The following REST variants were observed in gnomAD, a reference collection of about 807,000 sequenced individuals.
The protein encoded by REST is RE1-silencing transcription factor.
REST carries 1 observed loss-of-function variant against 30.4 expected under a neutral mutation model. That is an observed-to-expected ratio of 0.03 (90% CI 0.01 to 0.16). The LOEUF is 0.16. Ranked by LOEUF, REST falls within the 10% of genes least tolerant of loss-of-function variation. REST has a pLI of 1.00. For synonymous variants in REST, 504 were observed against 451.1 expected (o/e 1.12, Z -1.49); for missense variants, 1,259 against 1,329.5 (o/e 0.95, Z 0.82).
rs1721126653 is a variant in REST, at chr4:56,935,723, A to G, written c.*3571A>G. 1 of 152,186 alleles carries G rather than the reference A, an allele frequency of 6.6e-6. No individual in the cohort carries two copies. Among genetic ancestry groups the G allele is most frequent in the Non-Finnish European group, 1.5e-5 (1 of 68,022 alleles). The allele number at this position is 152,186 out of a possible 1,614,324, so 9.4% of individuals were successfully genotyped here. On this transcript the variant is annotated 3_prime_UTR_variant, in exon 4 of 4. Transcript: ENST00000309042. Reference sequence around the variant, plus strand: ...TGCAAATCCTTTTTTAAAATCCTAAACCATGTACCAAGTTTTTGGTCCAAA... The same window carrying G: ...TGCAAATCCTTTTTTAAAATCCTAAGCCATGTACCAAGTTTTTGGTCCAAA...
At position 56,930,384 on chromosome 4, in the gene REST, A is replaced by G. The variant is rs201819290; in HGVS notation, c.1526A>G (p.Asn509Ser). The change falls in exon 4 of 4, where the codon AAT (asparagine) becomes AGT (serine). Residue 509 changes from asparagine to serine, a missense_variant. This residue lies in a region of REST where 856 missense variants were observed against 772.8 expected (regional missense o/e 1.11). Coordinates refer to ENST00000309042, the MANE Select transcript of REST (RefSeq NM_005612.5). Reference sequence around the variant, plus strand: ...GAGATGGATGTGCATACAGGAAGCAATTCAGAAAAATTCAGTAAAACTAAG... The same window carrying G: ...GAGATGGATGTGCATACAGGAAGCAGTTCAGAAAAATTCAGTAAAACTAAG... ...VKEMDVHTGS[N>S]SEKFSKTKKS... The G allele has an allele frequency of 3.1e-6, 5 of 1,613,790 alleles. No homozygotes were observed. The East Asian group carries it at 8.9e-5, about 29-fold the overall frequency.
chr4:56,933,866 ATCTGATGATC>A lies in REST; in HGVS notation c.*1718_*1727del, dbSNP rs1721057124. 6.6e-6 allele frequency: 1 copy of A among 152,204 alleles called. No homozygotes were observed. Among genetic ancestry groups the A allele is most frequent in the Non-Finnish European group, 1.5e-5 (1 of 68,030 alleles). The allele number at this position is 152,204 out of a possible 1,614,324, so 9.4% of individuals were successfully genotyped here. On this transcript the variant is annotated 3_prime_UTR_variant, in exon 4 of 4. Coordinates refer to ENST00000309042, the MANE Select transcript of REST (RefSeq NM_005612.5). ...CCACTTTATATTTCATTTTTTAAAA[ATCTGATGATC>A]TCTTTGAGGCAGGTTTCAGATTTGG...
rs1721054202 is a variant in REST at position 56,933,768 on chromosome 4, A to C, written c.*1616A>C. On this transcript the variant is annotated 3_prime_UTR_variant, in exon 4 of 4. Transcript: ENST00000309042. ...TTTTTCTTACTGATAGCAGTCATTC[A>C]TTGCAGTAAAATAAAATATGATCCC... The C allele has an allele frequency of 6.6e-6, 1 of 152,222 alleles. No homozygotes were observed. The highest frequency in any genetic ancestry group is 2.4e-5 in the African/African-American group (1 of 41,468). 9.4% of individuals were successfully genotyped at this position (152,222 alleles called of 1,614,324 possible).
At chr4:56,913,948 T>G (rs1372681074) in intron 2 of REST, among the ~76,000 whole-genome samples, 1 of 149,432 alleles carries the variant, frequency 6.7e-6, no homozygotes, top group Non-Finnish European at 1.5e-5. Context: ...CTGGCCAGTT[T>G]TTTTTTTGAG....
In REST at chr4:56,911,415, C is replaced by T. The variant is rs1397704717; in HGVS notation, c.777C>T (p.Ser259=). 3.7e-6 allele frequency: 6 copies of T among 1,613,816 alleles called. No individual in the cohort carries two copies. The highest frequency in any genetic ancestry group is 5.1e-6 in the Non-Finnish European group (6 of 1,179,920). The part of the protein sequence containing the change: ...KCIICTYTTV[S]EYHWRKHLRN... ...TCATTTGCACATACACAACAGTGAG[C>T]GAGTATCACTGGAGGAAACATTTAA... is the stretch of plus-strand genomic sequence containing the variant. The change falls in exon 2 of 4, where the codon AGC becomes AGT. Residue 259 remains serine, a synonymous_variant. Coordinates refer to ENST00000309042, the MANE Select transcript of REST (RefSeq NM_005612.5).
rs1174966284 is a variant in REST, at chr4:56,935,586, T to TA, written c.*3435dup. 6.6e-6 allele frequency: 1 copy of TA among 152,248 alleles called. No individual in the cohort carries two copies. The highest frequency in any genetic ancestry group is 1.5e-5 in the Non-Finnish European group (1 of 68,038). The allele number at this position is 152,248 out of a possible 1,614,324, so 9.4% of individuals were successfully genotyped here. ...TAAACTTAAGCAGTGCAATACGTGT[T>TA]ACTTTTCTGAGGCAAACCAAAGGTA... On this transcript the variant is annotated 3_prime_UTR_variant, in exon 4 of 4. Transcript: ENST00000309042.
At chr4:56,918,494 TAAA>T (rs945165640) in intron 2 of REST, among the ~76,000 whole-genome samples, 36 of 152,146 alleles carry the variant, frequency 2.4e-4, no homozygotes, top group African/African-American at 8.4e-4. Flanking sequence ...CCCTGTCTCA[TAAA>T]AAACAATAAA....
In REST at chr4:56,931,005, T is replaced by C. The variant is rs1024260073; in HGVS notation, c.2147T>C (p.Val716Ala). The change falls in exon 4 of 4, where the codon GTA becomes GCA. Residue 716 changes from valine (V) to alanine (A), a missense_variant. Physicochemically the swap from Val to Ala is moderately conservative, Grantham distance 64. This residue lies in a region of REST where 856 missense variants were observed against 772.8 expected (regional missense o/e 1.11). Coordinates refer to ENST00000309042, the MANE Select transcript of REST (RefSeq NM_005612.5). Reference protein sequence around the residue: ...MEPAQMEVAQVESAPMQVVQK... With the variant: ...MEPAQMEVAQAESAPMQVVQK... ...CCTGCTCAGATGGAGGTTGCCCAGG[T>C]AGAATCTGCTCCCATGCAGGTGGTC... 5.0e-6 allele frequency: 8 copies of C among 1,614,186 alleles called. No individual in the cohort carries two copies.
At chr4:56,920,918 T>G (rs1381198027) in intron 3 of REST, among the ~76,000 whole-genome samples, 1 of 152,132 alleles carries the variant, frequency 6.6e-6, no homozygotes, top group Non-Finnish European at 1.5e-5. Flanking sequence ...TAGGCTGGAG[T>G]GCAGTAGTGC....
Position 56,930,731 on chromosome 4 carries a change from C to T in REST, c.1873C>T (p.Pro625Ser), listed in dbSNP as rs781173916. The change falls in exon 4 of 4, where the codon CCC becomes TCC. Residue 625 changes from proline to serine, a missense_variant. Pro to Ser is a moderately conservative substitution (Grantham distance 74). Coordinates refer to ENST00000309042, the MANE Select transcript of REST (RefSeq NM_005612.5). Reference protein sequence around the residue: ...PAPTEAVQKGPVQVEPPPPME... With the variant: ...PAPTEAVQKGSVQVEPPPPME... ...TCCCACAGAGGCGGTTCAGAAGGGG[C>T]CCGTTCAGGTGGAGCCGCCACCTCC... The T allele has an allele frequency of 6.9e-6, 11 of 1,601,368 alleles. No homozygotes were observed. Among genetic ancestry groups the T allele is most frequent in the Non-Finnish European group, 9.3e-6 (11 of 1,176,542 alleles).
At chr4:56,929,175 C>T (rs1277575365) in intron 3 of REST, among the ~76,000 whole-genome samples, 1 of 151,320 alleles carries the variant, frequency 6.6e-6, no homozygotes, top group Non-Finnish European at 1.5e-5. Flanking sequence ...TAAAGCAATT[C>T]TCGTGTCTCA....
Position 56,931,058 on chromosome 4 carries a change from T to A in REST, c.2200T>A (p.Ser734Thr), listed in dbSNP as rs754117527. The A allele has an allele frequency of 2.9e-6, 4 of 1,384,860 alleles. No homozygotes were observed. Among genetic ancestry groups the A allele is most frequent in the Non-Finnish European group, 3.0e-6 (3 of 1,001,054 alleles). 85.8% of individuals were successfully genotyped at this position (1,384,860 alleles called of 1,614,324 possible). ...VQKEPVQMEL[S>T]PPMEVVQKEP... ...GAAGGAGCCTGTTCAGATGGAGCTG[T>A]CTCCTCCCATGGAGGTGGTCCAGAA... Residue 734 changes from serine (S) to threonine (T), a missense_variant, in exon 4 of 4, where the codon TCT (serine) becomes ACT (threonine). Ser to Thr is a moderately conservative substitution (Grantham distance 58). This residue lies in a region of REST where 856 missense variants were observed against 772.8 expected (regional missense o/e 1.11). Transcript: ENST00000309042.
chr4:56,911,440 A>G lies in REST; in HGVS notation c.802A>G (p.Arg268Gly). The stretch of plus-strand genomic sequence containing the variant: ...CGAGTATCACTGGAGGAAACATTTA[A>G]GAAACCATTTTCCAAGGAAAGTATA... Reference protein sequence around the residue: ...VSEYHWRKHLRNHFPRKVYTC... With the variant: ...VSEYHWRKHLGNHFPRKVYTC... Residue 268 changes from arginine (R) to glycine (G), a missense_variant, in exon 2 of 4, where the codon AGA becomes GGA. Transcript: ENST00000309042. 1.2e-6 allele frequency: 2 copies of G among 1,614,220 alleles called. No individual in the cohort carries two copies. The highest frequency in any genetic ancestry group is 1.7e-6 in the Non-Finnish European group (2 of 1,180,028).
At chr4:56,913,369 C>T (rs1312086576) in intron 2 of REST, among the ~76,000 whole-genome samples, 2 of 152,124 alleles carry the variant, frequency 1.3e-5, no homozygotes, top group Non-Finnish European at 2.9e-5. Context: ...ATTGAGGGGC[C>T]TCATTTTTCA....
chr4:56,927,608 G>T, intron 3 of REST: 3 of 1,129,058 alleles, frequency 2.7e-6, no homozygotes, highest in African/African-American at 1.7e-5. Context: ...GCATTCCATT[G>T]GACCAGTGGG....
rs1458085991 is a variant in REST at position 56,910,986 on chromosome 4, C to T, written c.348C>T (p.Leu116=). The change falls in exon 2 of 4, where the codon CTC becomes CTT. Residue 116 remains leucine (L), a synonymous_variant. Transcript: ENST00000309042. ...LENMELRSLE[L]SVVEPQPVFE... is the part of the protein sequence containing the mutation. ...ACATGGAACTGAGAAGTTTGGAACTCAGCGTCGTAGAACCTCAGCCTGTAT... is the reference window on the plus strand; with the variant it reads ...ACATGGAACTGAGAAGTTTGGAACTTAGCGTCGTAGAACCTCAGCCTGTAT... 1.2e-6 allele frequency: 2 copies of T among 1,614,052 alleles called. No homozygotes were observed. Among genetic ancestry groups the T allele is most frequent in the Non-Finnish European group, 1.7e-6 (2 of 1,180,042 alleles).
intron 3 of REST, among the ~76,000 whole-genome samples, chr4:56,929,392 G>A (rs1720861906): frequency 6.6e-6 from 1 of 152,146 alleles, no homozygotes; most frequent in Admixed American, 6.6e-5. Context: ...GGCTCAAGCA[G>A]TCCTTCTGCC....
chr4:56,919,565 A>G (rs375205854), intron 2 of REST, among the ~76,000 whole-genome samples: 3 of 152,238 alleles, frequency 2.0e-5, no homozygotes, highest in Admixed American at 6.5e-5. Context: ...CGGAAAGTCA[A>G]TGTTGTTTTC....
In REST at chr4:56,930,763, G is replaced by A. The variant is rs760135295; in HGVS notation, c.1905G>A (p.Glu635=). The A allele has an allele frequency of 2.5e-5, 40 of 1,604,964 alleles. No individual in the cohort carries two copies. In the South Asian group the frequency reaches 4.2e-4, roughly 17 times the overall value. ...AGGTGGAGCCGCCACCTCCCATGGA[G>A]CATGCTCAGATGGAGGGTGCCCAGA... The part of the protein sequence containing the change: ...PVQVEPPPPM[E]HAQMEGAQIR... Residue 635 remains glutamate, a synonymous_variant, in exon 4 of 4, where the codon GAG becomes GAA. Coordinates refer to ENST00000309042, the MANE Select transcript of REST (RefSeq NM_005612.5).
Sources: allele counts gnomAD v4.1 joint callset (sites outside exome capture counted in the v4.1 genomes callset), GRCh38; gene constraint gnomAD v4.1.1; regional missense constraint gnomAD v4.1.1; transcripts MANE v1.5; gene names NCBI Gene and HGNC (gene_info 2026-07-23, HGNC 2026-07-21).